The following PIGG variants were observed in gnomAD, a reference collection of about 807,000 sequenced individuals.
PIGG encodes phosphatidylinositol glycan anchor biosynthesis class G (EMM blood group).
A neutral mutation model predicts 83.2 loss-of-function variants in PIGG; 70 were observed. The observed-to-expected ratio is 0.84, with a 90% confidence interval of 0.69 to 1.03. The LOEUF is 1.03. Ranked by LOEUF, PIGG falls within the 50% of genes least tolerant of loss-of-function variation. The probability of loss-of-function intolerance (pLI) is 0.00; values close to 1 mark genes in which losing one functional copy is unlikely to be tolerated. For synonymous variants in PIGG, 532 were observed against 519.5 expected, an observed-to-expected ratio of 1.02 and a Z score of -0.33; for missense variants, 1,257 against 1,233.6, an observed-to-expected ratio of 1.02 and a Z score of -0.28.
intron 1 of PIGG, 129 bp downstream of exon 1, chr4:499,618 T>G (rs1716804650): frequency 7.0e-7 from 1 of 1,421,946 alleles, no homozygotes; most frequent in Non-Finnish European, 9.1e-7. Flanking sequence ...GGTCCCCACC[T>G]CAGAAATTTT....
At chr4:526,107 A>G (rs971198959) in intron 9 of PIGG, among the ~76,000 whole-genome samples, 1 of 152,252 alleles carries the variant, frequency 6.6e-6, no homozygotes, top group Admixed American at 6.5e-5. Flanking sequence ...AAAATATGAC[A>G]GTTATTTTGA....
intron 5 of PIGG, among the ~76,000 whole-genome samples, chr4:511,296 TAAA>T (rs1191304904): frequency 7.8e-6 from 1 of 128,270 alleles, no homozygotes. Context: ...TCCCCATCTT[TAAA>T]AAAAAAAAAA....
Position 499,413 on chromosome 4 carries a change from A to T in PIGG, c.78A>T (p.Gly26=). 1 of 1,608,798 alleles carries T rather than the reference A, an allele frequency of 6.2e-7. No homozygotes were observed. The highest frequency in any genetic ancestry group is 8.5e-7 in the Non-Finnish European group (1 of 1,179,804). The change falls in exon 1 of 13, where the codon GGA becomes GGT. Residue 26 remains glycine (G), a synonymous_variant. Coordinates refer to ENST00000453061, the MANE Select transcript of PIGG (RefSeq NM_001127178.3). The stretch of plus-strand genomic sequence containing the variant: ...TAGGGATCGCGGTCTTCCTTCGGGG[A>T]TTCTTCCCGGCTCCCGTTCGTTCCT... ...EVLGIAVFLR[G]FFPAPVRSSA... is the part of the protein sequence containing the mutation.
intron 12 of PIGG, among the ~76,000 whole-genome samples, chr4:538,300 G>A (rs184426424): frequency 1.2e-4 from 18 of 147,658 alleles, no homozygotes; most frequent in African/African-American, 4.2e-4. Context: ...GATTTATGTA[G>A]TGTGTTGGTG....
rs140156216 is a variant in PIGG, at chr4:521,778, C to T, written c.1451C>T (p.Ser484Leu). 2.4e-4 allele frequency: 389 copies of T among 1,614,198 alleles called. 1 individual carries two copies. The African/African-American group carries it at 3.8e-3, about 16-fold the overall frequency. The change falls in exon 8 of 13, where the codon TCG becomes TTG. Residue 484 changes from serine to leucine, a missense_variant. Coordinates refer to ENST00000453061, the MANE Select transcript of PIGG (RefSeq NM_001127178.3). ...TTTTATTTGGTGATCCTGGTTCTTT[C>T]GGCCGTTCACGTCATTGTGTGCACC... is the stretch of plus-strand genomic sequence containing the variant. ...LLFYLVILVL[S>L]AVHVIVCTSA...
chr4:535,085 C>T (rs1730152847), intron 12 of PIGG, among the ~76,000 whole-genome samples: 1 of 152,224 alleles, frequency 6.6e-6, no homozygotes, highest in South Asian at 2.1e-4. Flanking sequence ...GCTTCACCCG[C>T]TCTGTTCACC....
intron 2 of PIGG, chr4:501,788 G>A (rs573157864): frequency 3.3e-5 from 5 of 152,540 alleles, no homozygotes; most frequent in African/African-American, 1.2e-4. Context: ...CCAGACAGGA[G>A]GGAGGCAGTG....
At position 533,880 on chromosome 4, in the gene PIGG, C is replaced by T. The variant is rs1176830505; in HGVS notation, c.2634C>T (p.Tyr878=). 1.3e-5 allele frequency: 21 copies of T among 1,614,040 alleles called. No individual in the cohort carries two copies. Among genetic ancestry groups the T allele is most frequent in the Non-Finnish European group, 1.5e-5 (18 of 1,179,978 alleles). Residue 878 remains tyrosine, a synonymous_variant, in exon 12 of 13, where the codon TAC becomes TAT. Coordinates refer to ENST00000453061, the MANE Select transcript of PIGG (RefSeq NM_001127178.3). The part of the protein sequence containing the change: ...ISAGFVGLDT[Y]VEIPAVLLTA... ...CAGGCTTCGTGGGCTTAGACACCTACGTGGAAATCCCAGCCGTGCTCCTGA... is the reference window on the plus strand; with the variant it reads ...CAGGCTTCGTGGGCTTAGACACCTATGTGGAAATCCCAGCCGTGCTCCTGA...
intron 6 of PIGG, among the ~76,000 whole-genome samples, chr4:518,396 G>A (rs572760651): frequency 3.9e-5 from 6 of 152,088 alleles, no homozygotes; most frequent in East Asian, 1.9e-4. Context: ...GATCAAGACC[G>A]TCCTGGCTAA....
At chr4:503,312 A>C (rs143983873) in intron 2 of PIGG, among the ~76,000 whole-genome samples, 199 of 152,266 alleles carry the variant, frequency 1.3e-3, no homozygotes, top group African/African-American at 4.7e-3. Context: ...AGACCCTGCT[A>C]CACTACTCTT....
chr4:519,676 G>A (rs1249759607), intron 6 of PIGG, among the ~76,000 whole-genome samples: 8 of 152,200 alleles, frequency 5.3e-5, no homozygotes, highest in African/African-American at 7.2e-5. Context: ...CAGAGCACCT[G>A]GTGCCGGCAG....
chr4:530,315 T>C, intron 10 of PIGG, 121 bp from the exon 11 acceptor site: 1 of 703,324 alleles, frequency 1.4e-6, no homozygotes, highest in Non-Finnish European at 2.4e-6. Context: ...GCGGCTCCTT[T>C]AGTCAGCAGT....
At chr4:530,944 G>A in intron 11 of PIGG, 199 bp downstream of exon 11, 1 of 564,542 alleles carries the variant, frequency 1.8e-6, no homozygotes, top group Non-Finnish European at 3.1e-6. Flanking sequence ...GGATGTGTGG[G>A]TGCTTAAGAC....
intron 5 of PIGG, among the ~76,000 whole-genome samples, chr4:510,081 G>A (rs1721362322): frequency 6.6e-6 from 1 of 152,156 alleles, no homozygotes. Context: ...TGACCCAGCA[G>A]CGCTAGAGGA....
chr4:511,571 A>G (rs534880776), intron 5 of PIGG, among the ~76,000 whole-genome samples: 2 of 152,334 alleles, frequency 1.3e-5, no homozygotes, highest in Non-Finnish European at 2.9e-5. Context: ...GCTTTTCTGT[A>G]TGTTATAAAC....
At position 515,367 on chromosome 4, in the gene PIGG, G is replaced by A. The variant is rs1370207003; in HGVS notation, c.902-606G>A. Reference sequence around the variant, plus strand: ...ATTCTTGCAAGGAGATGGTAGGATAGCCACTCACTGTTCAGGCTTGAGCTT... The same window carrying A: ...ATTCTTGCAAGGAGATGGTAGGATAACCACTCACTGTTCAGGCTTGAGCTT... On this transcript the variant is annotated intron_variant, in intron 5 of 12. Coordinates refer to ENST00000453061, the MANE Select transcript of PIGG (RefSeq NM_001127178.3). This position sits in a 1 kb window ranked among gnomAD's most constrained non-coding sequence, Gnocchi z 4.2. Among the ~76,000 whole-genome samples, 1 of 152,236 alleles carries A rather than the reference G, an allele frequency of 6.6e-6. No individual in the cohort carries two copies. The highest frequency in any genetic ancestry group is 1.5e-5 in the Non-Finnish European group (1 of 68,038).
chr4:525,414 T>TCTC, intron 9 of PIGG: 4 of 958,108 alleles, frequency 4.2e-6, no homozygotes, highest in Non-Finnish European at 5.0e-6. Flanking sequence ...ACAGCAAGGG[T>TCTC]TGCGGTCCCG....
In PIGG at chr4:521,104, G is replaced by T; in HGVS notation, c.1163G>T (p.Trp388Leu). Residue 388 changes from tryptophan (W) to leucine (L), a missense_variant, in exon 7 of 13, where the codon TGG becomes TTG. Physicochemically the swap from Trp to Leu is moderately conservative, Grantham distance 61. Transcript: ENST00000453061. ...ATGTCAGAAAGATTGCATGGGAACTGGATCAGACTGTACTTGGAGGAAAAG... is the reference window on the plus strand; with the variant it reads ...ATGTCAGAAAGATTGCATGGGAACTTGATCAGACTGTACTTGGAGGAAAAG... ...FKMSERLHGN[W>L]IRLYLEEKHS... The T allele has an allele frequency of 6.2e-7, 1 of 1,614,174 alleles. No homozygotes were observed. The highest frequency in any genetic ancestry group is 8.5e-7 in the Non-Finnish European group (1 of 1,180,008).
Position 516,060 on chromosome 4 carries a change from G to T in PIGG, c.989G>T (p.Ser330Ile), listed in dbSNP as rs1189967347. 1 of 1,614,078 alleles carries T rather than the reference G, an allele frequency of 6.2e-7. No individual in the cohort carries two copies. The highest frequency in any genetic ancestry group is 8.5e-7 in the Non-Finnish European group (1 of 1,179,978). The change falls in exon 6 of 13, where the codon AGT becomes ATT. Residue 330 changes from serine to isoleucine, a missense_variant. Physicochemically the swap from Ser to Ile is moderately radical, Grantham distance 142. Transcript: ENST00000453061. ...IALGLPIPKD[S>I]VGSLLFPVVE... Reference sequence around the variant, plus strand: ...CTTGGCTTACCGATTCCAAAAGACAGTGTAGGGAGCCTCCTATTCCCAGTT... The same window carrying T: ...CTTGGCTTACCGATTCCAAAAGACATTGTAGGGAGCCTCCTATTCCCAGTT...
Sources: gnomAD v4.1 joint callset for allele counts (sites outside exome capture counted in the v4.1 genomes callset) on GRCh38, gnomAD v4.1.1 for gene constraint, Gnocchi (gnomAD v3.1) non-coding constraint, MANE v1.5 for transcripts, NCBI Gene and HGNC (gene_info 2026-07-23, HGNC 2026-07-21) for gene names.